The following TNK1 variants were observed in gnomAD, a reference collection of about 807,000 sequenced individuals.
TNK1 encodes the protein tyrosine kinase non receptor 1.
Under a neutral mutation model 65.2 loss-of-function variants are expected in TNK1, and 53 were observed. The observed-to-expected ratio is 0.81, with a 90% CI of 0.65 to 1.02. The LOEUF is 1.02. TNK1 is among the 50% of genes least tolerant of loss of function. The pLI is 0.00. For synonymous variants in TNK1, 353 were observed against 364.6 expected (o/e 0.97, Z 0.36); for missense variants, 837 against 878.4 (o/e 0.95, Z 0.60).
At chr17:7,385,344 A>G (rs1167846919) in intron 7 of TNK1, among the ~76,000 whole-genome samples, 2 of 145,748 alleles carry the variant, frequency 1.4e-5, no homozygotes, top group South Asian at 2.2e-4. Flanking sequence ...CAGCCTGGGC[A>G]AAAAGAGCGA....
In TNK1 at chr17:7,384,407, A is replaced by G. The variant is rs1036246598; in HGVS notation, c.867-77A>G. On this transcript the variant is annotated intron_variant, in intron 6 of 12. Transcript: ENST00000688331. The stretch of plus-strand genomic sequence containing the variant: ...GAGGACTTTTGTGAAAGATGGGTGC[A>G]CTCGGGGGTGCTCCGTGGAGGGTGG... The G allele has an allele frequency of 2.1e-6, 3 of 1,450,970 alleles. No individual in the cohort carries two copies. In the South Asian group the frequency reaches 4.4e-5, roughly 21 times the overall value. 89.9% of individuals were successfully genotyped at this position (1,450,970 alleles called of 1,614,324 possible).
At position 7,384,137 on chromosome 17, in the gene TNK1, C is replaced by T. The variant is rs1197802044; in HGVS notation, c.750C>T (p.Asn250=). Reference sequence around the variant, plus strand: ...TGCACCGAGACCTCGCTACGCGCAACCTACTGCTGGCGTCGCCGCGCACCA... The same window carrying T: ...TGCACCGAGACCTCGCTACGCGCAATCTACTGCTGGCGTCGCCGCGCACCA... The part of the protein sequence containing the change: ...GLVHRDLATR[N]LLLASPRTIK... The change falls in exon 6 of 13, where the codon AAC becomes AAT. Residue 250 remains asparagine, a synonymous_variant. Coordinates refer to ENST00000688331, the MANE Select transcript of TNK1 (RefSeq NM_003985.6). 1.9e-6 allele frequency: 3 copies of T among 1,546,838 alleles called. No homozygotes were observed. Among genetic ancestry groups the T allele is most frequent in the African/African-American group, 1.4e-5 (1 of 73,206 alleles).
In TNK1 at chr17:7,389,098, G is replaced by C. The variant is rs1171698170; in HGVS notation, c.*14G>C. On this transcript the variant is annotated 3_prime_UTR_variant, in exon 13 of 13. Coordinates refer to ENST00000688331, the MANE Select transcript of TNK1 (RefSeq NM_003985.6). ...GCCAGGCCCTGAGCTCAGCTTCTGC[G>C]GGCACAGACACCAGCATGAAAAGCC... 3.2e-6 allele frequency: 5 copies of C among 1,544,840 alleles called. No homozygotes were observed. Among genetic ancestry groups the C allele is most frequent in the Non-Finnish European group, 4.4e-6 (5 of 1,141,146 alleles).
rs755037796 is a variant in TNK1, at chr17:7,384,661, C to T, written c.1044C>T (p.Cys348=). ...CCCGGCTGCCTAGGCCTCCCCTCTG[C>T]TCCAGGGCCCTCTACTCCCTCGCCT... The part of the protein sequence containing the change: ...DRARLPRPPL[C]SRALYSLALR... The change falls in exon 7 of 13, where the codon TGC becomes TGT. Residue 348 remains cysteine (C), a synonymous_variant. Transcript: ENST00000688331. 1 of 1,603,902 alleles carries T rather than the reference C, an allele frequency of 6.2e-7. No homozygotes were observed. Among genetic ancestry groups the T allele is most frequent in the Admixed American group, 1.7e-5 (1 of 59,092 alleles).
chr17:7,380,340 G>A (rs902247529), upstream of TNK1, among the ~76,000 whole-genome samples: 9 of 152,246 alleles, frequency 5.9e-5, no homozygotes, highest in Non-Finnish European at 1.0e-4. Flanking sequence ...GAGAAGCGGA[G>A]ACAAATGGTC....
rs762748380 is a variant in TNK1 at position 7,386,610 on chromosome 17, C to T, written c.1187C>T (p.Ala396Val). Residue 396 changes from alanine to valine, a missense_variant, in exon 8 of 13, where the codon GCC (alanine) becomes GTC (valine). By Grantham distance (64) the Ala-to-Val change is moderately conservative. Transcript: ENST00000688331. ...GTGAGGGATGTCACAGAACCAGGCG[C>T]CCTGAGGATGGAGACTGGTGACCCC... Reference protein sequence around the residue: ...CCVRDVTEPGALRMETGDPIT... With the variant: ...CCVRDVTEPGVLRMETGDPIT... 1.8e-5 allele frequency: 29 copies of T among 1,604,016 alleles called. No individual in the cohort carries two copies. Among genetic ancestry groups the T allele is most frequent in the Middle Eastern group, 3.3e-4 (2 of 6,054 alleles).
In TNK1 at chr17:7,389,030, G is replaced by A. The variant is rs182838849; in HGVS notation, c.1932G>A (p.Glu644=). Residue 644 remains glutamate (E), a synonymous_variant, in exon 13 of 13, where the codon GAG becomes GAA. Transcript: ENST00000688331. ...RSRADCWRIL[E]HYQWDLSAAS... is the part of the protein sequence containing the mutation. ...GAGCTGACTGCTGGCGCATCCTGGA[G>A]CATTACCAGTGGGACCTCTCAGCTG... The A allele has an allele frequency of 1.9e-6, 3 of 1,555,192 alleles. No homozygotes were observed. Among genetic ancestry groups the A allele is most frequent in the Middle Eastern group, 1.7e-4 (1 of 5,994 alleles).
chr17:7,389,145 A>G lies in TNK1; in HGVS notation c.*61A>G. ...AGCCTAGGCCCCTGAGGGCCTGGCC[A>G]CATGGGACCAAGCGGAACCAGAACA... On this transcript the variant is annotated 3_prime_UTR_variant, in exon 13 of 13. Transcript: ENST00000688331. 2 of 1,351,244 alleles carry G rather than the reference A, an allele frequency of 1.5e-6. No homozygotes were observed. The highest frequency in any genetic ancestry group is 1.0e-6 in the Non-Finnish European group (1 of 970,872). The allele number at this position is 1,351,244 out of a possible 1,614,324, so 83.7% of individuals were successfully genotyped here.
intron 7 of TNK1, among the ~76,000 whole-genome samples, chr17:7,386,105 C>T (rs1421991626): frequency 1.1e-4 from 17 of 152,136 alleles, no homozygotes; most frequent in Admixed American, 9.2e-4. Flanking sequence ...CTCACCATGA[C>T]GGCACTCTGA....
At position 7,384,230 on chromosome 17, in the gene TNK1, G is replaced by GCCCCGCC; in HGVS notation, c.845_851dup (p.Ile285ProfsTer62). The GCCCCGCC allele has an allele frequency of 4.0e-6, 6 of 1,505,414 alleles. No homozygotes were observed. The highest frequency in any genetic ancestry group is 4.4e-6 in the Non-Finnish European group (5 of 1,135,190). The allele number at this position is 1,505,414 out of a possible 1,614,324, so 93.3% of individuals were successfully genotyped here. ...CCCGGGGCCGCTACGTCATGGGCGGGCCCCGCCCTATCCCCTACGCCTGGT... is the reference window on the plus strand; with the variant it reads ...CCCGGGGCCGCTACGTCATGGGCGGGCCCCGCCCCCCGCCCTATCCCCTACGCCTGGT... On this transcript the variant is annotated frameshift_variant, in exon 6 of 13. Coordinates refer to ENST00000688331, the MANE Select transcript of TNK1 (RefSeq NM_003985.6). LOFTEE classifies it high-confidence loss of function.
In TNK1 at chr17:7,384,244, C is replaced by T; in HGVS notation, c.857C>T (p.Pro286Leu). 6.8e-7 allele frequency: 1 copy of T among 1,479,532 alleles called. No individual in the cohort carries two copies. Among genetic ancestry groups the T allele is most frequent in the African/African-American group, 1.4e-5 (1 of 70,614 alleles). 91.7% of individuals were successfully genotyped at this position (1,479,532 alleles called of 1,614,324 possible). The stretch of plus-strand genomic sequence containing the variant: ...GTCATGGGCGGGCCCCGCCCTATCC[C>T]CTACGCCTGGTGAGAGCGGGTCCGC... ...RYVMGGPRPIPYAWCAPESLR... is the reference protein window; with the variant it reads ...RYVMGGPRPILYAWCAPESLR... The change falls in exon 6 of 13, where the codon CCC (proline) becomes CTC (leucine). Residue 286 changes from proline (P) to leucine (L), a missense_variant. Pro to Leu is a moderately conservative substitution (Grantham distance 98, BLOSUM62 -3). Transcript: ENST00000688331.
chr17:7,383,929 C>T, intron 5 of TNK1, 41 bp from the exon 6 acceptor site: 1 of 1,551,568 alleles, frequency 6.4e-7, no homozygotes. Context: ...GGCCAGGGTC[C>T]AATGGGTCCG....
chr17:7,381,334 C>G (rs912258807), intron 1 of TNK1, among the ~76,000 whole-genome samples: 1 of 152,236 alleles, frequency 6.6e-6, no homozygotes, highest in African/African-American at 2.4e-5. Context: ...CCCAACCCAA[C>G]CCTGTTCGCG....
chr17:7,387,536 C>T, intron 10 of TNK1, 79 bp downstream of exon 10: 2 of 1,192,630 alleles, frequency 1.7e-6, no homozygotes, highest in Non-Finnish European at 2.4e-6. Flanking sequence ...TAAATCCATG[C>T]CTTTGCATCT....
At position 7,383,832 on chromosome 17, in the gene TNK1, C is replaced by T; in HGVS notation, c.550C>T (p.His184Tyr). The change falls in exon 5 of 13, where the codon CAC (histidine) becomes TAC (tyrosine). Residue 184 changes from histidine to tyrosine, a missense_variant. His to Tyr is a moderately conservative substitution (Grantham distance 83, BLOSUM62 2). Coordinates refer to ENST00000688331, the MANE Select transcript of TNK1 (RefSeq NM_003985.6). ...NLEHPHVLRL[H>Y]GLVLGQPLQM... ...GGAGCACCCACACGTGCTGCGTCTG[C>T]ACGGCCTTGTACTGGGCCAGCCTCT... The T allele has an allele frequency of 6.2e-7, 1 of 1,611,868 alleles. No individual in the cohort carries two copies. Among genetic ancestry groups the T allele is most frequent in the Non-Finnish European group, 8.5e-7 (1 of 1,179,136 alleles).
intron 10 of TNK1, 146 bp downstream of exon 10, chr17:7,387,603 A>ATTTT (rs35318852): frequency 3.9e-5 from 16 of 411,308 alleles, no homozygotes; most frequent in South Asian, 5.1e-5. Flanking sequence ...TGTGCAATCT[A>ATTTT]TTTTTTTTTT....
intron 10 of TNK1, among the ~76,000 whole-genome samples, chr17:7,387,910 T>C (rs1167232942): frequency 6.6e-6 from 1 of 152,140 alleles, no homozygotes; most frequent in Non-Finnish European, 1.5e-5. Flanking sequence ...GGCCCTATAC[T>C]GTGGAATCTT....
At position 7,384,167 on chromosome 17, in the gene TNK1, G is replaced by A. The variant is rs1162395718; in HGVS notation, c.780G>A (p.Lys260=). The A allele has an allele frequency of 1.3e-6, 2 of 1,538,158 alleles. No homozygotes were observed. The highest frequency in any genetic ancestry group is 1.2e-5 in the South Asian group (1 of 84,190). Residue 260 remains lysine, a synonymous_variant, in exon 6 of 13, where the codon AAG becomes AAA. Coordinates refer to ENST00000688331, the MANE Select transcript of TNK1 (RefSeq NM_003985.6). ...NLLLASPRTI[K]VADFGLVRPL... ...TGCTGGCGTCGCCGCGCACCATCAA[G>A]GTGGCTGACTTCGGGCTGGTGCGGC...
At chr17:7,380,089 A>T (rs1904716484), upstream of TNK1, among the ~76,000 whole-genome samples, 1 of 152,042 alleles carries the variant, frequency 6.6e-6, no homozygotes, top group African/African-American at 2.4e-5. Flanking sequence ...ACTTTCCCTT[A>T]CAGACATCTG....
Sources: allele counts gnomAD v4.1 joint callset (sites outside exome capture counted in the v4.1 genomes callset), GRCh38; gene constraint gnomAD v4.1.1; transcripts MANE v1.5; gene names NCBI Gene and HGNC (gene_info 2026-07-23, HGNC 2026-07-21).